ZNF287: variants seen among roughly 807,000 people sequenced by gnomAD.
ZNF287 encodes zinc finger protein with KRAB and SCAN domains 13.
A neutral mutation model predicts 73.7 loss-of-function variants in ZNF287; 31 were observed. That is an observed-to-expected ratio of 0.42 (90% CI 0.32 to 0.57). The LOEUF (loss-of-function observed/expected upper bound fraction) is 0.57, where lower values mean the gene tolerates loss of function less well. ZNF287 is among the 20% of genes least tolerant of loss of function. The pLI, the probability that ZNF287 is intolerant of heterozygous loss-of-function variation, is 0.13. For synonymous variants in ZNF287, 301 were observed against 307.2 expected, an observed-to-expected ratio of 0.98 and a Z score of 0.21; for missense variants, 641 against 909.3, an observed-to-expected ratio of 0.70 and a Z score of 3.79.
At chr17:16,554,109 T>TCCA (rs1461434353) in intron 5 of ZNF287, among the ~76,000 whole-genome samples, 1 of 152,012 alleles carries the variant, frequency 6.6e-6, no homozygotes, top group Non-Finnish European at 1.5e-5. Context: ...TTAAAATACC[T>TCCA]CCACTTGGCA....
intron 3 of ZNF287, among the ~76,000 whole-genome samples, chr17:16,565,267 T>A (rs1907678272): frequency 6.6e-6 from 1 of 151,738 alleles, no homozygotes; most frequent in Admixed American, 6.6e-5. Flanking sequence ...ACTGATGACT[T>A]TATAATATTC....
rs2142448566 is a variant in ZNF287, at chr17:16,550,003, T to TA, written c.*1852dup. On this transcript the variant is annotated 3_prime_UTR_variant, in exon 6 of 6. Transcript: ENST00000395825. ...ATTCAACCATGTATTGACCATGCAC[T>TA]ATTATGCAAGGGACTGGAGAAACAA... 6.6e-6 allele frequency among the ~76,000 whole-genome samples: 1 copy of TA among 152,340 alleles called. No individual in the cohort carries two copies. The highest frequency in any genetic ancestry group is 2.4e-5 in the African/African-American group (1 of 41,580).
intron 3 of ZNF287, among the ~76,000 whole-genome samples, chr17:16,565,282 T>C (rs1355850270): frequency 6.6e-6 from 1 of 151,814 alleles, no homozygotes; most frequent in African/African-American, 2.4e-5. Context: ...ATATTCAAGG[T>C]TTCTTTCATG....
At chr17:16,555,728 C>T (rs1438632320) in intron 5 of ZNF287, among the ~76,000 whole-genome samples, 2 of 152,030 alleles carry the variant, frequency 1.3e-5, no homozygotes, top group Non-Finnish European at 2.9e-5. Flanking sequence ...CCTATTATTA[C>T]GTTTCTCGTA....
At position 16,549,098 on chromosome 17, in the gene ZNF287, A is replaced by G. The variant is rs546423558; in HGVS notation, c.*2758T>C. On this transcript the variant is annotated 3_prime_UTR_variant, in exon 6 of 6. Coordinates refer to ENST00000395825, the MANE Select transcript of ZNF287 (RefSeq NM_020653.4). ...AATACGGCAGAATGTTAGTTTTTAA[A>G]TTTAGGTGGGTATATAGTTAATTTT... Among the ~76,000 whole-genome samples the G allele has an allele frequency of 2.0e-5, 3 of 152,318 alleles. No homozygotes were observed. The highest frequency in any genetic ancestry group is 7.2e-5 in the African/African-American group (3 of 41,574).
At chr17:16,557,750 G>T (rs1043323837) in intron 5 of ZNF287, among the ~76,000 whole-genome samples, 1 of 152,112 alleles carries the variant, frequency 6.6e-6, no homozygotes, top group Admixed American at 6.5e-5. Flanking sequence ...CAAAGGCTGG[G>T]GCCCAGCCAA....
intron 2 of ZNF287, 24 bp downstream of exon 2, chr17:16,567,305 C>T (rs917913467): frequency 1.3e-6 from 2 of 1,588,786 alleles, no homozygotes; most frequent in East Asian, 2.2e-5. Context: ...GGGATTCCTC[C>T]CCTCTCTGCT....
chr17:16,549,613 A>G lies in ZNF287; in HGVS notation c.*2243T>C, dbSNP rs1029257266. ...GAAATGGAAATCAAGTTTTTTAAAG[A>G]AAACACTCAATAATATAGCCTTTAG... On this transcript the variant is annotated 3_prime_UTR_variant, in exon 6 of 6. Coordinates refer to ENST00000395825, the MANE Select transcript of ZNF287 (RefSeq NM_020653.4). Among the ~76,000 whole-genome samples, 1 of 152,252 alleles carries G rather than the reference A, an allele frequency of 6.6e-6. No homozygotes were observed. The highest frequency in any genetic ancestry group is 1.5e-5 in the Non-Finnish European group (1 of 68,038).
At position 16,567,871 on chromosome 17, in the gene ZNF287, A is replaced by C; in HGVS notation, c.-140T>G. On this transcript the variant is annotated 5_prime_UTR_variant, in exon 2 of 6. Transcript: ENST00000395825. ...CGAGGGCAGAACAGAATCAAGGTAG[A>C]GTTAGCAGCCTTAGTGACAAATTCT... The C allele has an allele frequency of 6.9e-7, 1 of 1,446,472 alleles. No homozygotes were observed. Among genetic ancestry groups the C allele is most frequent in the African/African-American group, 1.4e-5 (1 of 70,544 alleles). 89.6% of individuals were successfully genotyped at this position (1,446,472 alleles called of 1,614,324 possible).
chr17:16,555,172 G>T (rs1477554813), intron 5 of ZNF287, among the ~76,000 whole-genome samples: 1 of 152,022 alleles, frequency 6.6e-6, no homozygotes, highest in African/African-American at 2.4e-5. Flanking sequence ...GAACCTAGAT[G>T]ATATATATGT....
At chr17:16,554,491 T>A (rs971697094) in intron 5 of ZNF287, among the ~76,000 whole-genome samples, 2 of 152,210 alleles carry the variant, frequency 1.3e-5, no homozygotes, top group African/African-American at 4.8e-5. Flanking sequence ...ATCCACTACT[T>A]CTTCATAATC....
intron 5 of ZNF287, among the ~76,000 whole-genome samples, chr17:16,559,572 A>C (rs938099483): frequency 8.1e-5 from 12 of 147,480 alleles, no homozygotes; most frequent in South Asian, 6.6e-4. Flanking sequence ...TAAAAGAACT[A>C]ACACACACAC....
chr17:16,567,795 T>A lies in ZNF287; in HGVS notation c.-64A>T. The A allele has an allele frequency of 1.3e-6, 2 of 1,531,452 alleles. No homozygotes were observed. 94.9% of individuals were successfully genotyped at this position (1,531,452 alleles called of 1,614,324 possible). On this transcript the variant is annotated 5_prime_UTR_variant, in exon 2 of 6. Coordinates refer to ENST00000395825, the MANE Select transcript of ZNF287 (RefSeq NM_020653.4). ...TTTCTCCAGTAGTGAGCCAACTGCT[T>A]GAAGTCTCATGCTAGAGTCACAAGG...
intron 5 of ZNF287, among the ~76,000 whole-genome samples, chr17:16,557,443 T>C (rs754054465): frequency 9.9e-5 from 15 of 152,150 alleles, no homozygotes; most frequent in Non-Finnish European, 1.9e-4. Flanking sequence ...ATAAAAGATC[T>C]GAGACAGTAA....
At chr17:16,558,985 CAATAAAATAAAATAAAAT>C (rs1366230709) in intron 5 of ZNF287, 4 of 147,570 alleles carry the variant, frequency 2.7e-5, no homozygotes, top group African/African-American at 1.0e-4. Context: ...TCAACAACAG[CAATAAAATAAAATAAAAT>C]AATAAAATAA....
At chr17:16,559,521 G>A (rs1049207296) in intron 5 of ZNF287, among the ~76,000 whole-genome samples, 1 of 151,828 alleles carries the variant, frequency 6.6e-6, no homozygotes, top group African/African-American at 2.4e-5. Flanking sequence ...TATCCTTGTG[G>A]TGTCAGATTT....
chr17:16,562,240 A>G (rs1287500907), intron 5 of ZNF287, among the ~76,000 whole-genome samples: 1 of 152,192 alleles, frequency 6.6e-6, no homozygotes, highest in Non-Finnish European at 1.5e-5. Context: ...TATGATGCAG[A>G]TATAAAAAAA....
At chr17:16,564,357 C>A (rs1490240348) in intron 3 of ZNF287, among the ~76,000 whole-genome samples, 1 of 152,148 alleles carries the variant, frequency 6.6e-6, no homozygotes, top group Admixed American at 6.6e-5. Context: ...CACACCACCA[C>A]ATCTGGCTAA....
chr17:16,552,523 T>C lies in ZNF287; in HGVS notation c.1619A>G (p.Glu540Gly), dbSNP rs763903357. 6.2e-7 allele frequency: 1 copy of C among 1,614,148 alleles called. No homozygotes were observed. Among genetic ancestry groups the C allele is most frequent in the Non-Finnish European group, 8.5e-7 (1 of 1,179,982 alleles). The change falls in exon 6 of 6, where the codon GAA becomes GGA. Residue 540 changes from glutamate (E) to glycine (G), a missense_variant. Coordinates refer to ENST00000395825, the MANE Select transcript of ZNF287 (RefSeq NM_020653.4). This position sits in a 1 kb window ranked among gnomAD's most constrained non-coding sequence, Gnocchi z 6.5. ...ACTCTGACTAAACACTTTCCAACAT[T>C]CATTGCATTTATATGGTTTCTTCCC... ...HTGKKPYKCN[E>G]CWKVFSQSTY...
Sources: gnomAD v4.1 joint callset for allele counts (sites outside exome capture counted in the v4.1 genomes callset) on GRCh38, gnomAD v4.1.1 for gene constraint, Gnocchi (gnomAD v3.1) non-coding constraint, MANE v1.5 for transcripts, NCBI Gene and HGNC (gene_info 2026-07-23, HGNC 2026-07-21) for gene names.